Variants in XPR1 observed in about 807,000 individuals in gnomAD.
XPR1 encodes the protein xenotropic and polytropic retrovirus receptor 1.
A neutral mutation model predicts 87.5 loss-of-function variants in XPR1; 28 were observed. That is an observed-to-expected ratio of 0.32 (90% CI 0.24 to 0.44). The LOEUF (loss-of-function observed/expected upper bound fraction) is 0.44. XPR1 is among the 20% of genes least tolerant of loss of function. XPR1 has a pLI of 1.00. For missense variants in XPR1, 559 were observed against 862.3 expected (o/e 0.65, Z 4.41); for synonymous variants, 300 against 306.1 (o/e 0.98, Z 0.21).
intron 2 of XPR1, among the ~76,000 whole-genome samples, chr1:180,703,063 T>A (rs1189522082): frequency 6.6e-6 from 1 of 152,220 alleles, no homozygotes; most frequent in African/African-American, 2.4e-5. Flanking sequence ...GTGTCAGTGG[T>A]ATCTATGAGT....
chr1:180,687,298 A>C (rs1656817985), intron 2 of XPR1, among the ~76,000 whole-genome samples: 1 of 152,140 alleles, frequency 6.6e-6, no homozygotes, highest in Admixed American at 6.6e-5. Context: ...CTATTATTAG[A>C]GAAAAACTGA....
intron 6 of XPR1, among the ~76,000 whole-genome samples, chr1:180,806,873 T>C (rs1186812211): frequency 6.6e-6 from 1 of 152,116 alleles, no homozygotes; most frequent in African/African-American, 2.4e-5. Flanking sequence ...GATTGCTATA[T>C]AGCTTACTCC....
intron 2 of XPR1, among the ~76,000 whole-genome samples, chr1:180,720,259 C>A (rs1420452305): frequency 6.6e-6 from 1 of 151,978 alleles, no homozygotes; most frequent in Non-Finnish European, 1.5e-5. Context: ...GGAGAATAAA[C>A]CTGATTATGA....
rs1658293149 is a variant in XPR1, at chr1:180,725,106, A to G, written c.121+42695A>G. ...TCCCTAAAGGTATCGTACACATTCA[A>G]AGTGTAAGTTAGCAATACTGAGGCT... On this transcript the variant is annotated intron_variant, in intron 2 of 14. Transcript: ENST00000367590. 2.0e-5 allele frequency among the ~76,000 whole-genome samples: 3 copies of G among 152,202 alleles called. No individual in the cohort carries two copies. In the South Asian group the frequency reaches 6.2e-4, roughly 32 times the overall value.
intron 1 of XPR1, among the ~76,000 whole-genome samples, chr1:180,659,433 T>C (rs188436063): frequency 3.4e-4 from 37 of 107,512 alleles, no homozygotes; most frequent in African/African-American, 1.4e-3. Context: ...CCTTCCTTCC[T>C]TCCTTCTTCC....
chr1:180,655,556 A>G (rs965391924), intron 1 of XPR1, among the ~76,000 whole-genome samples: 1 of 151,952 alleles, frequency 6.6e-6, no homozygotes, highest in African/African-American at 2.4e-5. Flanking sequence ...GTGCACCTTC[A>G]TACCTGGCTA....
intron 14 of XPR1, among the ~76,000 whole-genome samples, chr1:180,881,610 A>G (rs1571256954): frequency 6.6e-6 from 1 of 152,240 alleles, no homozygotes; most frequent in East Asian, 1.9e-4. Flanking sequence ...ACTTCAATGT[A>G]TGGGGCAGTG....
In XPR1 at chr1:180,786,922, C is replaced by T. The variant is rs188555024; in HGVS notation, c.122-831C>T. ...GAAGGTTTGGAACTTGTAATTTACA[C>T]TCTTCAGTGCAGACTTCTTTCTCTG... On this transcript the variant is annotated intron_variant, in intron 2 of 14. Transcript: ENST00000367590. Among the ~76,000 whole-genome samples the T allele has an allele frequency of 7.9e-5, 12 of 152,306 alleles. No homozygotes were observed. In the East Asian group the frequency reaches 2.3e-3, roughly 29 times the overall value.
intron 9 of XPR1, among the ~76,000 whole-genome samples, chr1:180,827,571 G>A (rs1027693872): frequency 6.6e-6 from 1 of 152,112 alleles, no homozygotes; most frequent in Admixed American, 6.5e-5. Context: ...AATGGTATAA[G>A]CAGTAATAGA....
intron 2 of XPR1, among the ~76,000 whole-genome samples, chr1:180,727,549 C>G (rs547732854): frequency 6.6e-6 from 1 of 152,078 alleles, no homozygotes; most frequent in Non-Finnish European, 1.5e-5. Flanking sequence ...GAGGCTGAGA[C>G]GGGAGAATCA....
intron 11 of XPR1, among the ~76,000 whole-genome samples, chr1:180,861,827 G>C (rs1049069607): frequency 6.6e-6 from 1 of 152,032 alleles, no homozygotes; most frequent in African/African-American, 2.4e-5. Flanking sequence ...GATTTCCACG[G>C]TGTAAATACT....
At chr1:180,636,113 A>G (rs1457634371) in intron 1 of XPR1, among the ~76,000 whole-genome samples, 1 of 152,228 alleles carries the variant, frequency 6.6e-6, no homozygotes, top group Non-Finnish European at 1.5e-5. Flanking sequence ...CTACACTTCC[A>G]TTATATTCAG....
At chr1:180,860,764 A>G (rs1652192578) in intron 11 of XPR1, among the ~76,000 whole-genome samples, 1 of 151,926 alleles carries the variant, frequency 6.6e-6, no homozygotes, top group Non-Finnish European at 1.5e-5. Context: ...AGTGATGGGT[A>G]CATGACTCTG....
intron 2 of XPR1, among the ~76,000 whole-genome samples, chr1:180,689,660 A>G (rs1656913573): frequency 6.6e-6 from 1 of 152,212 alleles, no homozygotes; most frequent in African/African-American, 2.4e-5. Flanking sequence ...ACAGAAAAAG[A>G]ACATCAGGCA....
intron 1 of XPR1, among the ~76,000 whole-genome samples, chr1:180,640,317 G>A (rs942866357): frequency 6.6e-6 from 1 of 152,164 alleles, no homozygotes; most frequent in Non-Finnish European, 1.5e-5. Flanking sequence ...ACTGTATCAG[G>A]CACTGTGGTA....
intron 3 of XPR1, among the ~76,000 whole-genome samples, chr1:180,790,040 G>T (rs1216268138): frequency 1.3e-5 from 2 of 151,920 alleles, no homozygotes; most frequent in Non-Finnish European, 2.9e-5. Flanking sequence ...TCCCTGTCAT[G>T]CTCATTATAC....
intron 2 of XPR1, among the ~76,000 whole-genome samples, chr1:180,787,195 C>G (rs930828354): frequency 2.6e-5 from 4 of 151,928 alleles, no homozygotes; most frequent in Admixed American, 6.6e-5. Flanking sequence ...CTTGTTTTCT[C>G]CAACATTGTA....
chr1:180,824,981 T>TTGCATTAGCTA lies in XPR1; in HGVS notation c.954+40_954+50dup, dbSNP rs760681029. The TTGCATTAGCTA allele has an allele frequency of 3.8e-6, 6 of 1,595,796 alleles. No homozygotes were observed. The African/African-American group carries it at 5.4e-5, about 14-fold the overall frequency. ...AGACATAACACCTCATGAATATAGTTTGCATTAGCTATATAGCTATCTGGT... is the reference window on the plus strand; with the variant it reads ...AGACATAACACCTCATGAATATAGTTTGCATTAGCTATGCATTAGCTATATAGCTATCTGGT... On this transcript the variant is annotated intron_variant, in intron 8 of 14. Coordinates refer to ENST00000367590, the MANE Select transcript of XPR1 (RefSeq NM_004736.4).
intron 13 of XPR1, chr1:180,878,406 TTC>T (rs1652728234): frequency 2.6e-5 from 4 of 152,186 alleles, no homozygotes; most frequent in African/African-American, 9.7e-5. Context: ...TTCTCTCCCA[TTC>T]TCTTTTTCAT....
Sources: gnomAD v4.1 joint callset for allele counts (sites outside exome capture counted in the v4.1 genomes callset) on GRCh38, gnomAD v4.1.1 for gene constraint, MANE v1.5 for transcripts, NCBI Gene and HGNC (gene_info 2026-07-23, HGNC 2026-07-21) for gene names.